IQCE: variants seen among roughly 807,000 people sequenced by gnomAD.
IQCE encodes the protein IQ domain-containing protein E.
A neutral mutation model predicts 96.0 loss-of-function variants in IQCE; 115 were observed. That is an observed-to-expected ratio of 1.20 (90% CI 1.03 to 1.40). The LOEUF (loss-of-function observed/expected upper bound fraction) is 1.40. IQCE is among the 40% of genes most tolerant of loss of function. The pLI, the probability that IQCE is intolerant of heterozygous loss-of-function variation, is 0.00. For synonymous variants in IQCE, 412 were observed against 371.2 expected, an observed-to-expected ratio of 1.11 and a Z score of -1.26; for missense variants, 1,041 against 909.1, an observed-to-expected ratio of 1.15 and a Z score of -1.87.
chr7:2,572,791 A>G, intron 5 of IQCE: 1 of 452,660 alleles, frequency 2.2e-6, no homozygotes, highest in Non-Finnish European at 4.4e-6. Flanking sequence ...TGATCCTCTC[A>G]CCTTGGCCTC....
chr7:2,577,835 G>A (rs1158144159), intron 6 of IQCE, among the ~76,000 whole-genome samples: 8 of 144,720 alleles, frequency 5.5e-5, no homozygotes, highest in Admixed American at 6.9e-5. Context: ...TGTGTGCGGC[G>A]TGCGCGCATT....
Position 2,573,177 on chromosome 7 carries a change from C to T in IQCE, c.395-241C>T, listed in dbSNP as rs551688081. Among the ~76,000 whole-genome samples the T allele has an allele frequency of 4.3e-4, 65 of 152,306 alleles. 2 individuals are homozygous for T. In the South Asian group the frequency reaches 0.013, roughly 30 times the overall value. On this transcript the variant is annotated intron_variant, in intron 5 of 21. Coordinates refer to ENST00000402050, the MANE Select transcript of IQCE (RefSeq NM_152558.5). ...TCCTTTTACTGTCATGAAACTTGGT[C>T]TTCACATGTTTATTTATTTACTTTT... is the stretch of plus-strand genomic sequence containing the variant.
chr7:2,598,000 C>A (rs1386438788), intron 16 of IQCE: 1 of 152,700 alleles, frequency 6.5e-6, no homozygotes, highest in Non-Finnish European at 1.5e-5. Context: ...GTCGTTATAG[C>A]AATCCTGGCT....
At chr7:2,566,639 T>C (rs1173423880) in intron 1 of IQCE, 1 of 170,894 alleles carries the variant, frequency 5.9e-6, no homozygotes. Context: ...TTTTTAAATT[T>C]TTAAGATTTT....
At position 2,593,216 on chromosome 7, in the gene IQCE, G is replaced by A. The variant is rs1314766044; in HGVS notation, c.1349+90G>A. On this transcript the variant is annotated intron_variant, in intron 15 of 21. Transcript: ENST00000402050. ...CCCCCCGTGGCGTCTCAGCCTTGCT[G>A]CCAGCCGGCTTCTTAGAAAGGCCAC... 7 of 1,486,862 alleles carry A rather than the reference G, an allele frequency of 4.7e-6. No individual in the cohort carries two copies. The African/African-American group carries it at 7.0e-5, about 15-fold the overall frequency. 92.1% of individuals were successfully genotyped at this position (1,486,862 alleles called of 1,614,324 possible).
chr7:2,588,823 G>C (rs929174713), intron 13 of IQCE, among the ~76,000 whole-genome samples: 2 of 151,412 alleles, frequency 1.3e-5, no homozygotes, highest in Non-Finnish European at 2.9e-5. Flanking sequence ...CCACCACCAC[G>C]CCCAGCTAAT....
chr7:2,604,759 A>G, intron 18 of IQCE, 122 bp from the exon 19 acceptor site: 1 of 670,004 alleles, frequency 1.5e-6, no homozygotes, highest in Non-Finnish European at 2.7e-6. Flanking sequence ...GTGGCTGCAC[A>G]GCAGTGAAGG....
At chr7:2,575,555 T>G (rs2917748) in intron 6 of IQCE, among the ~76,000 whole-genome samples, 114,894 of 152,132 alleles carry the variant, frequency 0.76, 43,609 homozygotes, top group African/African-American at 0.78. Flanking sequence ...GAGGGGAGGG[T>G]ACTGGGTGCA....
At chr7:2,571,493 G>A (rs756855207) in intron 3 of IQCE, 33 bp from the exon 4 acceptor site, 32 of 1,603,652 alleles carry the variant, frequency 2.0e-5, no homozygotes, top group East Asian at 1.3e-4. Context: ...GTTGCTGTCC[G>A]GCACCTCTGA....
chr7:2,582,020 T>C, intron 8 of IQCE: 2 of 465,324 alleles, frequency 4.3e-6, no homozygotes, highest in Non-Finnish European at 8.9e-6. Context: ...CAAAAGAATG[T>C]TCTTTAAAGA....
chr7:2,591,392 C>T (rs1783574787), intron 14 of IQCE, among the ~76,000 whole-genome samples: 1 of 152,186 alleles, frequency 6.6e-6, no homozygotes, highest in East Asian at 1.9e-4. Flanking sequence ...TGTCCTCCTC[C>T]TGTTGATAGC....
Position 2,559,006 on chromosome 7 carries a change from A to C in IQCE, c.-176A>C. The C allele has an allele frequency of 3.0e-6, 1 of 330,220 alleles. No individual in the cohort carries two copies. The highest frequency in any genetic ancestry group is 5.4e-6 in the Non-Finnish European group (1 of 185,594). 20.5% of individuals were successfully genotyped at this position (330,220 alleles called of 1,614,324 possible). ...GCACGCGCATGGTCGCCCCAGGGGG[A>C]ACGCAGGTCGCTTACCCGGCTGGGT... On this transcript the variant is annotated 5_prime_UTR_variant, in exon 1 of 22. Transcript: ENST00000402050.
chr7:2,594,325 CTTGAA>C (rs1251270487), intron 15 of IQCE, among the ~76,000 whole-genome samples: 1 of 152,122 alleles, frequency 6.6e-6, no homozygotes, highest in African/African-American at 2.4e-5. Flanking sequence ...TGTCAGAAGA[CTTGAA>C]TTAAAGTAAA....
chr7:2,593,166 G>C, intron 15 of IQCE, 40 bp downstream of exon 15: 1 of 1,578,064 alleles, frequency 6.3e-7, no homozygotes, highest in Non-Finnish European at 8.6e-7. Flanking sequence ...ACCCAGGCGA[G>C]TCCGCACTCC....
At chr7:2,560,801 C>G (rs866238044) in intron 1 of IQCE, among the ~76,000 whole-genome samples, 8 of 151,088 alleles carry the variant, frequency 5.3e-5, no homozygotes, top group African/African-American at 1.7e-4. Flanking sequence ...ACTACAAATA[C>G]AAAAAATTAG....
At chr7:2,608,227 C>T (rs879295996) in intron 21 of IQCE, among the ~76,000 whole-genome samples, 4 of 152,162 alleles carry the variant, frequency 2.6e-5, no homozygotes, top group African/African-American at 7.2e-5. Context: ...CCGTGGCGGG[C>T]GGAGGCCTCG....
At chr7:2,597,787 C>T (rs1480441636) in intron 16 of IQCE, among the ~76,000 whole-genome samples, 3 of 152,224 alleles carry the variant, frequency 2.0e-5, no homozygotes, top group Non-Finnish European at 4.4e-5. Context: ...CTGCCTCAGC[C>T]TCCCGAGTAG....
rs117287222 is a variant in IQCE, at chr7:2,563,098, T to A, written c.36+3881T>A. On this transcript the variant is annotated intron_variant, in intron 1 of 21. Transcript: ENST00000402050. ...GTGCCACCATGCCTGGCGAATTTTT[T>A]AATTTTTTGTCAACACTGGGTGTCA... Among the ~76,000 whole-genome samples the A allele has an allele frequency of 3.2e-3, 491 of 152,174 alleles. 3 individuals carry two copies. Among genetic ancestry groups the A allele is most frequent in the Admixed American group, 8.2e-3 (126 of 15,278 alleles).
intron 11 of IQCE, 101 bp downstream of exon 11, chr7:2,584,386 C>CCTT: frequency 9.1e-7 from 1 of 1,102,552 alleles, no homozygotes; most frequent in Non-Finnish European, 1.4e-6. Context: ...CATATACTGC[C>CCTT]CTTAGCTTGG....
Sources: gnomAD v4.1 joint callset for allele counts (sites outside exome capture counted in the v4.1 genomes callset) on GRCh38, gnomAD v4.1.1 for gene constraint, MANE v1.5 for transcripts, NCBI Gene and HGNC (gene_info 2026-07-23, HGNC 2026-07-21) for gene names.